TSHZ3: variants seen among roughly 807,000 people sequenced by gnomAD.
The protein encoded by TSHZ3 is teashirt homolog 3.
A neutral mutation model predicts 64.5 loss-of-function variants in TSHZ3; 10 were observed. That is an observed-to-expected ratio of 0.16 (90% confidence interval 0.10 to 0.26). The LOEUF (loss-of-function observed/expected upper bound fraction) is 0.26, where lower values mean the gene tolerates loss of function less well. Ranked by LOEUF, TSHZ3 falls within the 10% of genes least tolerant of loss-of-function variation. The probability of loss-of-function intolerance (pLI) is 1.00; values close to 1 mark genes in which losing one functional copy is unlikely to be tolerated. For synonymous variants in TSHZ3, 608 were observed against 593.1 expected (o/e 1.03, Z -0.36); for missense variants, 1,242 against 1,421.7 (o/e 0.87, Z 2.03).
chr19:31,298,166 G>A (rs949188948), intron 1 of TSHZ3, among the ~76,000 whole-genome samples: 6 of 152,082 alleles, frequency 3.9e-5, no homozygotes, highest in African/African-American at 1.4e-4. Flanking sequence ...GTGACCAGGA[G>A]CATTTCACCT....
At chr19:31,295,828 T>C (rs76341481) in intron 1 of TSHZ3, among the ~76,000 whole-genome samples, 6,385 of 150,812 alleles carry the variant, frequency 0.042, 249 homozygotes, top group African/African-American at 0.11. Flanking sequence ...GTTTATTACA[T>C]GGCCATATTG....
At chr19:31,318,992 A>G (rs931451460) in intron 1 of TSHZ3, among the ~76,000 whole-genome samples, 3 of 152,230 alleles carry the variant, frequency 2.0e-5, no homozygotes, top group African/African-American at 7.2e-5. Flanking sequence ...GGCTAAAAGC[A>G]GCTCATTAAT....
chr19:31,296,665 G>C (rs1393666360), intron 1 of TSHZ3, among the ~76,000 whole-genome samples: 2 of 152,178 alleles, frequency 1.3e-5, no homozygotes, highest in Non-Finnish European at 2.9e-5. Context: ...AGTTATAAAG[G>C]AATTTTTATT....
rs986735028 is a variant in TSHZ3 at position 31,223,662 on chromosome 19, T to C, written n.686+4343A>G. Among the ~76,000 whole-genome samples, 8 of 152,318 alleles carry C rather than the reference T, an allele frequency of 5.3e-5. No homozygotes were observed. In the East Asian group the frequency reaches 1.5e-3, roughly 29 times the overall value. On this transcript the variant is annotated intron_variant and non_coding_transcript_variant, in intron 4 of 6. Coordinates refer to the TSHZ3 transcript ENST00000651361. The stretch of plus-strand genomic sequence containing the variant: ...TATTGTCAAACAAAGTTTATAAGGT[T>C]CGTGTGTCAATGATGGGGCCAAGGA...
intron 5 of TSHZ3, among the ~76,000 whole-genome samples, chr19:31,197,049 C>G (rs547998819): frequency 6.6e-6 from 1 of 151,908 alleles, no homozygotes; most frequent in South Asian, 2.1e-4. Flanking sequence ...CAAGATAGAC[C>G]ACATTCTGGG....
Position 31,341,640 on chromosome 19 carries a change from C to T in TSHZ3, c.40+7540G>A, listed in dbSNP as rs1047191740. Reference sequence around the variant, plus strand: ...TCTCTCTCTCTCTCTGACACACACACACACACACACACACACACACACACA... The same window carrying T: ...TCTCTCTCTCTCTCTGACACACACATACACACACACACACACACACACACA... On this transcript the variant is annotated intron_variant, in intron 1 of 1. Transcript: ENST00000240587. Among the ~76,000 whole-genome samples, 464 of 133,258 alleles carry T rather than the reference C, an allele frequency of 3.5e-3. 3 individuals are homozygous for T. Among genetic ancestry groups the T allele is most frequent in the African/African-American group, 0.017 (435 of 25,126 alleles). 87.4% of individuals were successfully genotyped at this position (133,258 alleles called of 152,430 possible).
chr19:31,270,051 T>C (rs1976114090), downstream of TSHZ3, among the ~76,000 whole-genome samples: 1 of 152,184 alleles, frequency 6.6e-6, no homozygotes, highest in African/African-American at 2.4e-5. Flanking sequence ...TCTGTGGGCT[T>C]TGGAGTTTGC....
At chr19:31,178,275 G>C (rs1232563305) in intron 5 of TSHZ3, among the ~76,000 whole-genome samples, 1 of 152,188 alleles carries the variant, frequency 6.6e-6, no homozygotes, top group Non-Finnish European at 1.5e-5. Flanking sequence ...TGGCTACTGG[G>C]ACTAGCTGGA....
At chr19:31,280,416 T>G (rs941008010) in intron 1 of TSHZ3, among the ~76,000 whole-genome samples, 2 of 151,864 alleles carry the variant, frequency 1.3e-5, no homozygotes, top group East Asian at 1.9e-4. Context: ...GGGATAGGTG[T>G]GGGTTCGTTC....
chr19:31,159,190 G>A (rs1282847015), intron 5 of TSHZ3, among the ~76,000 whole-genome samples: 1 of 152,106 alleles, frequency 6.6e-6, no homozygotes, highest in Non-Finnish European at 1.5e-5. Flanking sequence ...TGTGGAGATG[G>A]GGGTTTCACC....
At chr19:31,348,776 A>ACACCAGGCAGTCCCCCGGCGGT (rs2021597608) in intron 1 of TSHZ3, 2 of 195,546 alleles carry the variant, frequency 1.0e-5, no homozygotes, top group Non-Finnish European at 2.1e-5. Flanking sequence ...GGCTCGGCGG[A>ACACCAGGCAGTCCCCCGGCGGT]CACCAGGCAG....
intron 4 of TSHZ3, among the ~76,000 whole-genome samples, chr19:31,218,294 T>A (rs62101213): frequency 1 from 152,364 of 152,364 alleles, 76,182 homozygotes; most frequent in Non-Finnish European, 1. Context: ...CTATGTCATA[T>A]GTCCTATGTC....
At chr19:31,161,987 C>T (rs1381983910) in intron 5 of TSHZ3, among the ~76,000 whole-genome samples, 1 of 152,236 alleles carries the variant, frequency 6.6e-6, no homozygotes, top group Non-Finnish European at 1.5e-5. Context: ...TCGTTATCTC[C>T]TGATATCTGT....
intron 5 of TSHZ3, among the ~76,000 whole-genome samples, chr19:31,169,888 A>G (rs1305791548): frequency 2.0e-5 from 3 of 152,200 alleles, no homozygotes; most frequent in African/African-American, 4.8e-5. Flanking sequence ...CTCACACACC[A>G]TGGTGGCAGG....
intron 1 of TSHZ3, among the ~76,000 whole-genome samples, chr19:31,336,912 T>C (rs59296544): frequency 0.047 from 7,173 of 152,270 alleles, 586 homozygotes; most frequent in African/African-American, 0.16. Context: ...TTAAAAACTA[T>C]GCACTGCAGA....
intron 4 of TSHZ3, among the ~76,000 whole-genome samples, chr19:31,213,981 A>G (rs1013933407): frequency 2.0e-5 from 3 of 152,146 alleles, no homozygotes; most frequent in African/African-American, 7.2e-5. Context: ...CTCACTCCTT[A>G]CTTCTTCCTG....
intron 1 of TSHZ3, chr19:31,308,683 G>A (rs1251396327): frequency 5.0e-6 from 2 of 398,652 alleles, no homozygotes; most frequent in Admixed American, 4.4e-5. Context: ...CACGTGCTGA[G>A]AACCTCCACC....
intron 1 of TSHZ3, among the ~76,000 whole-genome samples, chr19:31,297,642 T>G (rs988685561): frequency 1.3e-5 from 2 of 152,060 alleles, no homozygotes; most frequent in African/African-American, 2.4e-5. Flanking sequence ...TTTTTAATAT[T>G]TTTTTTGTAG....
intron 1 of TSHZ3, among the ~76,000 whole-genome samples, chr19:31,324,808 C>T (rs924735439): frequency 2.0e-4 from 31 of 151,484 alleles, no homozygotes; most frequent in African/African-American, 7.3e-4. Flanking sequence ...TATAGTGATT[C>T]CATGGAAGCA....
Sources: gnomAD v4.1 joint callset for allele counts (sites outside exome capture counted in the v4.1 genomes callset) on GRCh38, gnomAD v4.1.1 for gene constraint, MANE v1.5 for transcripts, NCBI Gene and HGNC (gene_info 2026-07-23, HGNC 2026-07-21) for gene names.